Variants in ZNF44 observed in about 807,000 individuals in gnomAD.
The protein encoded by ZNF44 is zinc finger protein 44.
A neutral mutation model predicts 11.7 loss-of-function variants in ZNF44; 9 were observed. The ratio of observed to expected loss-of-function variants is 0.77; its 90% CI spans 0.46 to 1.35. ZNF44 has a LOEUF of 1.35. Ranked by LOEUF, ZNF44 falls within the 40% of genes most tolerant of loss-of-function variation. ZNF44 has a pLI of 0.00. For missense variants in ZNF44, 696 were observed against 743.1 expected, an observed-to-expected ratio of 0.94 and a Z score of 0.74; for synonymous variants, 224 against 242.7, an observed-to-expected ratio of 0.92 and a Z score of 0.72.
At chr19:12,292,169 T>A (rs981976209) in intron 1 of ZNF44, among the ~76,000 whole-genome samples, 1 of 151,638 alleles carries the variant, frequency 6.6e-6, no homozygotes, top group Non-Finnish European at 1.5e-5. Context: ...CACTACAAAA[T>A]ACTCAAAAAT....
exon 8 of ZNF44, chr19:12,248,551 C>T (rs754593542): frequency 3.1e-6 from 4 of 1,291,018 alleles, no homozygotes; most frequent in African/African-American, 1.5e-5. Context: ...TTTCCACATA[C>T]ACTGCTTTCC....
chr19:12,250,195 T>C, intron 6 of ZNF44: 1 of 1,307,568 alleles, frequency 7.6e-7, no homozygotes, highest in South Asian at 1.2e-5. Flanking sequence ...AAGAAAAAGG[T>C]ATTCTCTAAT....
Position 12,272,152 on chromosome 19 carries a change from A to C in ZNF44, c.*255T>G. On this transcript the variant is annotated 3_prime_UTR_variant, in exon 4 of 4. Transcript: ENST00000355684. The stretch of plus-strand genomic sequence containing the variant: ...GCTAGGACTACAGGTGTGAGCAACT[A>C]TGCCTGGCTATTTTTTTTTTTTTCC... 1.1e-5 allele frequency: 4 copies of C among 363,180 alleles called. No individual in the cohort carries two copies. The highest frequency in any genetic ancestry group is 5.6e-5 in the East Asian group (1 of 17,844). The allele number at this position is 363,180 out of a possible 1,614,324, so 22.5% of individuals were successfully genotyped here.
At chr19:12,248,203 T>C (rs1169054900) in exon 8 of ZNF44, 1 of 1,308,318 alleles carries the variant, frequency 7.6e-7, no homozygotes, top group Admixed American at 2.2e-5. Flanking sequence ...TTGTAGGGTT[T>C]CTCTCCAGTA....
chr19:12,230,504 C>A (rs1315323074), exon 3 of ZNF44: 4 of 152,266 alleles, frequency 2.6e-5, no homozygotes, highest in Non-Finnish European at 5.9e-5. Flanking sequence ...CAGTTGGCCT[C>A]TTGGGCTGCA....
At chr19:12,278,833 G>A (rs929228374) in intron 1 of ZNF44, among the ~76,000 whole-genome samples, 2 of 152,150 alleles carry the variant, frequency 1.3e-5, no homozygotes, top group Admixed American at 6.5e-5. Context: ...CAGATATACT[G>A]GGGAATGGAG....
At chr19:12,248,415 T>A (rs1916844179) in exon 8 of ZNF44, 4 of 1,291,016 alleles carry the variant, frequency 3.1e-6, no homozygotes, top group Non-Finnish European at 4.0e-6. Context: ...AGACTGCAGA[T>A]AACTGAAGGG....
rs914102065 is a variant in ZNF44 at position 12,281,351 on chromosome 19, T to C, written c.4-5269A>G. On this transcript the variant is annotated intron_variant, in intron 1 of 3. Coordinates refer to ENST00000355684, the MANE Select transcript of ZNF44 (RefSeq NM_016264.4). ...TCAACTACACAAACTTCAAGGAGAA[T>C]TGTCAAGCAAAATGTAAATATTGCA... Among the ~76,000 whole-genome samples, 6 of 152,278 alleles carry C rather than the reference T, an allele frequency of 3.9e-5. No individual in the cohort carries two copies. In the East Asian group the frequency reaches 9.6e-4, roughly 24 times the overall value.
At chr19:12,260,324 A>T in intron 5 of ZNF44, 1 of 901,582 alleles carries the variant, frequency 1.1e-6, no homozygotes, top group South Asian at 1.4e-5. Flanking sequence ...CGAAGCAGAG[A>T]TCCGGCCAGC....
chr19:12,277,776 A>C (rs1967296533), intron 1 of ZNF44, among the ~76,000 whole-genome samples: 1 of 152,172 alleles, frequency 6.6e-6, no homozygotes, highest in Admixed American at 6.5e-5. Context: ...TTTTGTTTCC[A>C]CATTATTGCC....
upstream of ZNF44, among the ~76,000 whole-genome samples, chr19:12,239,954 A>C (rs1246000125): frequency 6.6e-6 from 1 of 152,174 alleles, no homozygotes; most frequent in Non-Finnish European, 1.5e-5. Context: ...AGCACCAAAA[A>C]CAGTAAAAAT....
chr19:12,241,763 G>A (rs140719321), upstream of ZNF44, among the ~76,000 whole-genome samples: 538 of 152,286 alleles, frequency 3.5e-3, 10 homozygotes, highest in East Asian at 0.041. Context: ...ATTCAGAGTA[G>A]TCAAAAGAGT....
In ZNF44 at chr19:12,272,894, C is replaced by T. The variant is rs954795463; in HGVS notation, c.1361G>A (p.Gly454Glu). The T allele has an allele frequency of 1.9e-6, 3 of 1,614,136 alleles. No homozygotes were observed. Among genetic ancestry groups the T allele is most frequent in the Non-Finnish European group, 2.5e-6 (3 of 1,180,044 alleles). ...GGAAAATAAATCACTAAAAGCTTTTCCACATTTACATTTATAGGGTTGCTC... is the reference window on the plus strand; with the variant it reads ...GGAAAATAAATCACTAAAAGCTTTTTCACATTTACATTTATAGGGTTGCTC... ...TGEQPYKCKCGKAFSDLFSFQ... is the reference protein window; with the variant it reads ...TGEQPYKCKCEKAFSDLFSFQ... The change falls in exon 4 of 4, where the codon GGA becomes GAA. Residue 454 changes from glycine (G) to glutamate (E), a missense_variant. Coordinates refer to ENST00000355684, the MANE Select transcript of ZNF44 (RefSeq NM_016264.4).
intron 5 of ZNF44, among the ~76,000 whole-genome samples, chr19:12,253,611 A>G (rs903519877): frequency 7.9e-5 from 12 of 152,206 alleles, no homozygotes; most frequent in Admixed American, 3.9e-4. Context: ...GGAGAGATAC[A>G]TGAATCCATG....
chr19:12,234,061 T>TTA (rs941203146), intron 2 of ZNF44, among the ~76,000 whole-genome samples: 1 of 133,470 alleles, frequency 7.5e-6, no homozygotes, highest in African/African-American at 2.7e-5. Context: ...GACTCTGTCT[T>TTA]AAAAAAAAAA....
At chr19:12,248,227 G>T in exon 8 of ZNF44, 1 of 1,304,366 alleles carries the variant, frequency 7.7e-7, no homozygotes, top group East Asian at 5.4e-5. Context: ...GCCTTTTCAT[G>T]TTTTTGAGCA....
Position 12,273,209 on chromosome 19 carries a change from G to A in ZNF44, c.1046C>T (p.Pro349Leu), listed in dbSNP as rs751079847. The A allele has an allele frequency of 1.9e-6, 3 of 1,613,896 alleles. No homozygotes were observed. Among genetic ancestry groups the A allele is most frequent in the Admixed American group, 1.7e-5 (1 of 60,004 alleles). The change falls in exon 4 of 4, where the codon CCT becomes CTT. Residue 349 changes from proline (P) to leucine (L), a missense_variant. Coordinates refer to ENST00000355684, the MANE Select transcript of ZNF44 (RefSeq NM_016264.4). ...CKICGKGFDF[P>L]GSARIHEGTH... is the part of the protein sequence containing the mutation. ...TCCTTCATGAATTCGTGCTGAACCA[G>A]GAAAATCAAAGCCTTTCCCACATAT...
intron 1 of ZNF44, among the ~76,000 whole-genome samples, chr19:12,285,898 A>G (rs1312284515): frequency 6.6e-6 from 1 of 152,062 alleles, no homozygotes; most frequent in Non-Finnish European, 1.5e-5. Flanking sequence ...GGGCGCCTGT[A>G]GTCCCAGCTA....
At chr19:12,270,091 C>T (rs1966903014), downstream of ZNF44, among the ~76,000 whole-genome samples, 1 of 152,064 alleles carries the variant, frequency 6.6e-6, no homozygotes, top group African/African-American at 2.4e-5. Flanking sequence ...AATCTCCAAC[C>T]ACATTATTTG....
Sources: gnomAD v4.1 joint callset for allele counts (sites outside exome capture counted in the v4.1 genomes callset) on GRCh38, gnomAD v4.1.1 for gene constraint, MANE v1.5 for transcripts, NCBI Gene and HGNC (gene_info 2026-07-23, HGNC 2026-07-21) for gene names.